CPA6: variants seen among roughly 807,000 people sequenced by gnomAD.
CPA6 encodes the protein carboxypeptidase A6.
A neutral mutation model predicts 63.3 loss-of-function variants in CPA6; 58 were observed. That is an observed-to-expected ratio of 0.92 (90% confidence interval 0.74 to 1.14). CPA6 has a LOEUF of 1.14. Among genes scored for constraint, CPA6 ranks in the 50% most tolerant of loss-of-function variants. The pLI is 0.00. For synonymous variants in CPA6, 185 were observed against 179.0 expected, an observed-to-expected ratio of 1.03 and a Z score of -0.27; for missense variants, 565 against 526.6, an observed-to-expected ratio of 1.07 and a Z score of -0.71.
chr8:67,554,761 C>T (rs1251533552), intron 2 of CPA6, among the ~76,000 whole-genome samples: 2 of 152,160 alleles, frequency 1.3e-5, no homozygotes, highest in Non-Finnish European at 2.9e-5. Flanking sequence ...TATTCCATCC[C>T]AAGGTAGAAG....
chr8:67,533,354 A>T (rs1413263371), intron 2 of CPA6, among the ~76,000 whole-genome samples: 3 of 152,242 alleles, frequency 2.0e-5, no homozygotes, highest in Non-Finnish European at 2.9e-5. Flanking sequence ...GAGATTAAAA[A>T]TTCCCACATG....
At chr8:67,662,467 ACG>A (rs1816134449) in intron 1 of CPA6, among the ~76,000 whole-genome samples, 1 of 149,884 alleles carries the variant, frequency 6.7e-6, no homozygotes, top group Non-Finnish European at 1.5e-5. Flanking sequence ...ATACATACAC[ACG>A]TATATGTATA....
At chr8:67,690,689 G>C (rs2128997264) in intron 1 of CPA6, among the ~76,000 whole-genome samples, 1 of 152,250 alleles carries the variant, frequency 6.6e-6, no homozygotes, top group East Asian at 1.9e-4. Flanking sequence ...ATTAGAAGAG[G>C]AAGCATTAGA....
At chr8:67,621,273 G>A (rs1217828736) in intron 2 of CPA6, among the ~76,000 whole-genome samples, 1 of 152,116 alleles carries the variant, frequency 6.6e-6, no homozygotes, top group Non-Finnish European at 1.5e-5. Context: ...TGCTGTGACC[G>A]ATCATAGCTG....
chr8:67,524,150 C>T (rs17429185), intron 2 of CPA6, among the ~76,000 whole-genome samples: 48,323 of 152,034 alleles, frequency 0.32, 7,797 homozygotes, highest in Middle Eastern at 0.47. Flanking sequence ...CTTGGATCTT[C>T]GTTTAGGATC....
At chr8:67,424,067 C>T (rs528711583) in intron 10 of CPA6, among the ~76,000 whole-genome samples, 2 of 152,136 alleles carry the variant, frequency 1.3e-5, no homozygotes, top group African/African-American at 2.4e-5. Context: ...ACAGCACATG[C>T]GAGGGATCTA....
chr8:67,715,083 T>C (rs1235480597), intron 1 of CPA6, among the ~76,000 whole-genome samples: 1 of 152,118 alleles, frequency 6.6e-6, no homozygotes, highest in Non-Finnish European at 1.5e-5. Context: ...ACAGCAAATG[T>C]GGTTTTTGTT....
chr8:67,456,081 AT>A (rs1370346581), intron 8 of CPA6, among the ~76,000 whole-genome samples: 2 of 152,206 alleles, frequency 1.3e-5, no homozygotes, highest in Non-Finnish European at 2.9e-5. Flanking sequence ...AAAAATTTTA[AT>A]GTAATTACAT....
intron 2 of CPA6, among the ~76,000 whole-genome samples, chr8:67,596,917 T>G (rs141032540): frequency 1.2e-4 from 19 of 152,324 alleles, no homozygotes; most frequent in African/African-American, 4.3e-4. Context: ...TAAGCATTTT[T>G]GGCAGGAATA....
chr8:67,507,999 T>TTGTG (rs145996041), intron 5 of CPA6, among the ~76,000 whole-genome samples: 2,232 of 142,294 alleles, frequency 0.016, 28 homozygotes, highest in East Asian at 0.029. Flanking sequence ...ATGGGGTGCT[T>TTGTG]TGTGTGTGTG....
intron 1 of CPA6, among the ~76,000 whole-genome samples, chr8:67,691,942 A>G (rs1816821472): frequency 6.6e-6 from 1 of 152,242 alleles, no homozygotes; most frequent in South Asian, 2.1e-4. Context: ...TCTGGTTGAT[A>G]GAGAATAACT....
intron 1 of CPA6, among the ~76,000 whole-genome samples, chr8:67,730,706 A>G (rs142160679): frequency 6.6e-6 from 1 of 152,306 alleles, no homozygotes; most frequent in Non-Finnish European, 1.5e-5. Context: ...GGATTTTAGG[A>G]GCTGTTTGCC....
At chr8:67,448,240 A>G (rs1275635339) in intron 8 of CPA6, among the ~76,000 whole-genome samples, 1 of 152,190 alleles carries the variant, frequency 6.6e-6, no homozygotes, top group African/African-American at 2.4e-5. Context: ...TGTCATTTGC[A>G]TTGCATTTTA....
At chr8:67,454,009 C>T (rs776720739) in intron 8 of CPA6, among the ~76,000 whole-genome samples, 2 of 152,210 alleles carry the variant, frequency 1.3e-5, no homozygotes, top group Non-Finnish European at 2.9e-5. Context: ...GGATTGGCAT[C>T]CTGCCAGTGT....
intron 8 of CPA6, among the ~76,000 whole-genome samples, chr8:67,455,559 G>C: frequency 7.3e-6 from 1 of 137,088 alleles, no homozygotes; most frequent in Non-Finnish European, 1.5e-5. Context: ...GTGTAGCATA[G>C]AAAAAAAAAG....
chr8:67,524,612 A>AT (rs1812324544), intron 2 of CPA6, among the ~76,000 whole-genome samples: 8 of 117,002 alleles, frequency 6.8e-5, no homozygotes, highest in African/African-American at 2.9e-4. Flanking sequence ...ATTTGAAAAA[A>AT]CTTTTTTTGT....
chr8:67,547,346 G>A lies in CPA6; in HGVS notation c.193-29299C>T, dbSNP rs113799275. 8.2e-3 allele frequency among the ~76,000 whole-genome samples: 1,243 copies of A among 152,228 alleles called. 9 individuals are homozygous for A. Among genetic ancestry groups the A allele is most frequent in the Non-Finnish European group, 0.012 (838 of 67,998 alleles). ...TAGGCATGAGCCACTGTGCCCGGCC[G>A]AAGGCCAAGTTTTAAATGAACTATA... On this transcript the variant is annotated intron_variant, in intron 2 of 10. Transcript: ENST00000297770.
chr8:67,450,863 G>A (rs1359739116), intron 8 of CPA6, among the ~76,000 whole-genome samples: 2 of 152,182 alleles, frequency 1.3e-5, no homozygotes, highest in Non-Finnish European at 2.9e-5. Flanking sequence ...CCAACATGAT[G>A]TGCGAAGAGT....
chr8:67,466,344 TTTTG>T (rs1265652422), intron 8 of CPA6, among the ~76,000 whole-genome samples: 6 of 152,078 alleles, frequency 3.9e-5, no homozygotes, highest in Admixed American at 6.5e-5. Flanking sequence ...TTGGATCATC[TTTTG>T]TTTGTTTGTT....
Sources: gnomAD v4.1 joint callset for allele counts (sites outside exome capture counted in the v4.1 genomes callset) on GRCh38, gnomAD v4.1.1 for gene constraint, MANE v1.5 for transcripts, NCBI Gene and HGNC (gene_info 2026-07-23, HGNC 2026-07-21) for gene names.